Variants in GINS4 observed in about 807,000 individuals in gnomAD.
The protein encoded by GINS4 is GINS complex subunit 4.
A neutral mutation model predicts 31.1 loss-of-function variants in GINS4; 20 were observed. That is an observed-to-expected ratio of 0.64 (90% CI 0.45 to 0.93). GINS4 has a LOEUF of 0.93. Among genes scored for constraint, GINS4 ranks in the 40% least tolerant of loss-of-function variants. The probability of loss-of-function intolerance (pLI) is 0.00; values close to 1 mark genes in which losing one functional copy is unlikely to be tolerated. For synonymous variants in GINS4, 85 were observed against 97.9 expected (o/e 0.87, Z 0.78); for missense variants, 245 against 273.9 (o/e 0.89, Z 0.75).
chr8:41,531,992 A>G (rs1049321606), intron 2 of GINS4, among the ~76,000 whole-genome samples: 7 of 152,122 alleles, frequency 4.6e-5, no homozygotes, highest in African/African-American at 1.7e-4. Flanking sequence ...GGGTTTCACC[A>G]TATTGGGTTT....
At chr8:41,536,556 C>T (rs1391794895) in intron 3 of GINS4, 110 bp downstream of exon 3, 1 of 657,112 alleles carries the variant, frequency 1.5e-6, no homozygotes, top group Non-Finnish European at 2.7e-6. Context: ...TGGCTCCACT[C>T]ACAGTCCAGT....
At chr8:41,530,159 G>A (rs1309778494) in intron 1 of GINS4, 25 bp from the exon 2 acceptor site, 1 of 1,345,148 alleles carries the variant, frequency 7.4e-7, no homozygotes, top group African/African-American at 1.4e-5. Context: ...GCATTGCAGA[G>A]TATTGGTTCT....
chr8:41,540,322 C>G, intron 6 of GINS4: 1 of 402,416 alleles, frequency 2.5e-6, no homozygotes, highest in Non-Finnish European at 4.7e-6. Context: ...GCCCCGAGTA[C>G]CAGCACTGCA....
intron 6 of GINS4, among the ~76,000 whole-genome samples, chr8:41,541,532 CAG>C (rs1806840936): frequency 6.6e-6 from 1 of 152,192 alleles, no homozygotes; most frequent in Non-Finnish European, 1.5e-5. Flanking sequence ...TGCAGGGACA[CAG>C]TGTAGCCCAT....
intron 6 of GINS4, among the ~76,000 whole-genome samples, chr8:41,541,550 C>T (rs1291608275): frequency 6.6e-6 from 1 of 152,162 alleles, no homozygotes; most frequent in Non-Finnish European, 1.5e-5. Context: ...CCCATAACAC[C>T]AGGAGCAAGT....
In GINS4 at chr8:41,542,494, A is replaced by G; in HGVS notation, c.*407A>G. ...CATCTCTACTAAACCCATCTCTACT[A>G]AAAATACAAAAAATTAGCCAGGCAT... On this transcript the variant is annotated 3_prime_UTR_variant, in exon 8 of 8. Coordinates refer to ENST00000276533, the MANE Select transcript of GINS4 (RefSeq NM_032336.3). 5.3e-6 allele frequency: 1 copy of G among 188,402 alleles called. No individual in the cohort carries two copies. The highest frequency in any genetic ancestry group is 1.0e-4 in the South Asian group (1 of 9,912). The allele number at this position is 188,402 out of a possible 1,614,324, so 11.7% of individuals were successfully genotyped here.
At position 41,539,792 on chromosome 8, in the gene GINS4, T is replaced by C. The variant is rs777393250; in HGVS notation, c.395+17T>C. The C allele has an allele frequency of 5.0e-6, 8 of 1,607,224 alleles. No individual in the cohort carries two copies. The highest frequency in any genetic ancestry group is 2.2e-5 in the South Asian group (2 of 90,908). On this transcript the variant is annotated intron_variant, in intron 5 of 7. Coordinates refer to ENST00000276533, the MANE Select transcript of GINS4 (RefSeq NM_032336.3). ...TGCCAGAGAGTGAGTGAGTGAGCCG[T>C]TGGCGTGGGGCACCTGGCTGGTTCA...
chr8:41,531,514 C>T (rs977453603), intron 2 of GINS4, among the ~76,000 whole-genome samples: 5 of 152,164 alleles, frequency 3.3e-5, no homozygotes, highest in African/African-American at 7.2e-5. Flanking sequence ...CATGATATCA[C>T]GAATGACAAA....
chr8:41,536,319 G>A (rs1181109509), intron 2 of GINS4, 41 bp from the exon 3 acceptor site: 1 of 1,230,048 alleles, frequency 8.1e-7, no homozygotes, highest in Admixed American at 1.7e-5. Context: ...GTTTAGCTCT[G>A]TGGTGGGTGA....
rs767560732 is a variant in GINS4 at position 41,539,968 on chromosome 8, C to G, written c.448C>G (p.Pro150Ala). The G allele has an allele frequency of 2.5e-6, 4 of 1,613,996 alleles. No individual in the cohort carries two copies. In the East Asian group the frequency reaches 6.7e-5, roughly 27 times the overall value. ...GAAAAATGTCGCCTTGAAGCACATG[C>G]CCCCTAACTTACAGAAGGTGGACCT... is the stretch of plus-strand genomic sequence containing the variant. Reference protein sequence around the residue: ...YLKNVALKHMPPNLQKVDLFR... With the variant: ...YLKNVALKHMAPNLQKVDLFR... The change falls in exon 6 of 8, where the codon CCC (proline) becomes GCC (alanine). Residue 150 changes from proline to alanine, a missense_variant. By Grantham distance (27) the Pro-to-Ala change is conservative (BLOSUM62 -1). Coordinates refer to ENST00000276533, the MANE Select transcript of GINS4 (RefSeq NM_032336.3).
At chr8:41,533,834 G>C (rs913865668) in intron 2 of GINS4, among the ~76,000 whole-genome samples, 1 of 152,060 alleles carries the variant, frequency 6.6e-6, no homozygotes, top group African/African-American at 2.4e-5. Flanking sequence ...GTCTTCTTCC[G>C]AGTCCTCTGT....
At position 41,543,976 on chromosome 8, in the gene GINS4, GA is replaced by G. The variant is rs1188084666; in HGVS notation, c.*1891del. On this transcript the variant is annotated 3_prime_UTR_variant, in exon 8 of 8. Coordinates refer to ENST00000276533, the MANE Select transcript of GINS4 (RefSeq NM_032336.3). The stretch of plus-strand genomic sequence containing the variant: ...CCCACCTCGGCCTCCCAAAGTGCTG[GA>G]ATTATAGGCGTGAGCCACTGCGCAC... The G allele has an allele frequency of 2.0e-5, 3 of 152,264 alleles. No homozygotes were observed. Among genetic ancestry groups the G allele is most frequent in the African/African-American group, 7.2e-5 (3 of 41,438 alleles). The allele number at this position is 152,264 out of a possible 1,614,324, so 9.4% of individuals were successfully genotyped here.
rs539033488 is a variant in GINS4 at position 41,539,246 on chromosome 8, A to G, written c.298-432A>G. Among the ~76,000 whole-genome samples the G allele has an allele frequency of 1.6e-4, 23 of 142,702 alleles. No homozygotes were observed. In the Admixed American group the frequency reaches 1.7e-3, roughly 11 times the overall value. 93.6% of individuals were successfully genotyped at this position (142,702 alleles called of 152,430 possible). A position where few individuals can be genotyped will look rare whatever the true frequency, so the allele number is the denominator to read the frequency against. The stretch of plus-strand genomic sequence containing the variant: ...GAGGCCGGAGAATCACTTGAACCCG[A>G]GAGTTGGAGGTTGCAGTGAGCTGAG... On this transcript the variant is annotated intron_variant, in intron 4 of 7. Transcript: ENST00000276533.
chr8:41,539,514 G>T (rs933372636), intron 4 of GINS4, among the ~76,000 whole-genome samples, 164 bp from the exon 5 acceptor site: 18 of 152,030 alleles, frequency 1.2e-4, no homozygotes, highest in African/African-American at 4.1e-4. Context: ...GTGTCTCAGA[G>T]ACGTTGTCCT....
chr8:41,536,055 C>T (rs988511577), intron 2 of GINS4, among the ~76,000 whole-genome samples: 1 of 152,112 alleles, frequency 6.6e-6, no homozygotes, highest in African/African-American at 2.4e-5. Flanking sequence ...CTGGCAAAGG[C>T]ACTATTTGAA....
Position 41,537,251 on chromosome 8 carries a change from C to A in GINS4, c.255C>A (p.Ile85=), listed in dbSNP as rs763690525. The A allele has an allele frequency of 6.2e-6, 10 of 1,613,828 alleles. No individual in the cohort carries two copies. Among genetic ancestry groups the A allele is most frequent in the Middle Eastern group, 1.7e-4 (1 of 6,060 alleles). Residue 85 remains isoleucine (I), a synonymous_variant, in exon 4 of 8, where the codon ATC becomes ATA. Transcript: ENST00000276533. ...TCCACCAAATGGAGATGGAGAGGAT[C>A]CGCTACGTCCTCAGCAGCTACTTGC... ...VSIHQMEMER[I]RYVLSSYLRC... is the part of the protein sequence containing the mutation.
chr8:41,534,191 C>T (rs1201164304), intron 2 of GINS4: 2 of 342,922 alleles, frequency 5.8e-6, no homozygotes, highest in African/African-American at 2.2e-5. Context: ...TGTCATGAGG[C>T]CAGGATTTCG....
chr8:41,536,694 G>GCAGT (rs1806746275), intron 3 of GINS4, among the ~76,000 whole-genome samples: 2 of 152,226 alleles, frequency 1.3e-5, no homozygotes. Flanking sequence ...GTTGACCAGA[G>GCAGT]CAGTCCCATG....
At position 41,539,124 on chromosome 8, in the gene GINS4, A is replaced by C. The variant is rs959025636; in HGVS notation, c.298-554A>C. Among the ~76,000 whole-genome samples, 23 of 150,970 alleles carry C rather than the reference A, an allele frequency of 1.5e-4. 1 individual carries two copies. Among genetic ancestry groups the C allele is most frequent in the African/African-American group, 5.6e-4 (23 of 41,218 alleles). On this transcript the variant is annotated intron_variant, in intron 4 of 7. Coordinates refer to ENST00000276533, the MANE Select transcript of GINS4 (RefSeq NM_032336.3). Reference sequence around the variant, plus strand: ...CACCTGAGGTCAGGAGTTTGAGACCAGCCTGGACAACATGGTGAAATCCTA... The same window carrying C: ...CACCTGAGGTCAGGAGTTTGAGACCCGCCTGGACAACATGGTGAAATCCTA...
Sources: gnomAD v4.1 joint callset for allele counts (sites outside exome capture counted in the v4.1 genomes callset) on GRCh38, gnomAD v4.1.1 for gene constraint, MANE v1.5 for transcripts, NCBI Gene and HGNC (gene_info 2026-07-23, HGNC 2026-07-21) for gene names.